PCDHGA2: variants seen among roughly 807,000 people sequenced by gnomAD.
The protein encoded by PCDHGA2 is protocadherin gamma subfamily A, 2.
A neutral mutation model predicts 59.2 loss-of-function variants in PCDHGA2; 40 were observed. That is an observed-to-expected ratio of 0.68 (90% CI 0.52 to 0.88). PCDHGA2 has a LOEUF of 0.88. PCDHGA2 is among the 40% of genes least tolerant of loss of function. PCDHGA2 has a pLI of 0.00. For synonymous variants in PCDHGA2, 560 were observed against 526.0 expected (o/e 1.06, Z -0.89); for missense variants, 1,226 against 1,204.0 (o/e 1.02, Z -0.27).
intron 1 of PCDHGA2, among the ~76,000 whole-genome samples, chr5:141,467,211 C>G (rs1288732759): frequency 6.6e-6 from 1 of 152,068 alleles, no homozygotes; most frequent in Non-Finnish European, 1.5e-5. Context: ...TGCCACCATG[C>G]CTGGCTAATT....
intron 1 of PCDHGA2, 134 bp from the exon 2 acceptor site, chr5:141,494,673 C>A: frequency 6.5e-7 from 1 of 1,542,992 alleles, no homozygotes; most frequent in South Asian, 1.2e-5. Flanking sequence ...GATGAGTCCA[C>A]CCCTGCCCCC....
At position 141,477,744 on chromosome 5, in the gene PCDHGA2, G is replaced by A; in HGVS notation, c.2425-17063G>A. On this transcript the variant is annotated intron_variant, in intron 1 of 3. Coordinates refer to ENST00000394576, the MANE Select transcript of PCDHGA2 (RefSeq NM_018915.4). The surrounding 1 kb of genome is among the most constrained non-coding windows in gnomAD (Gnocchi z 4.9). Reference sequence around the variant, plus strand: ...TTAACAGCTCATATCAGCGATGGGGGCACCCCGGTCCTAGCCACCAACATC... The same window carrying A: ...TTAACAGCTCATATCAGCGATGGGGACACCCCGGTCCTAGCCACCAACATC... 6.2e-7 allele frequency: 1 copy of A among 1,613,778 alleles called. No homozygotes were observed. The highest frequency in any genetic ancestry group is 8.5e-7 in the Non-Finnish European group (1 of 1,180,028).
chr5:141,419,285 G>A, intron 1 of PCDHGA2: 2 of 1,614,028 alleles, frequency 1.2e-6, no homozygotes, highest in East Asian at 4.5e-5. Context: ...GCAAGTCAGT[G>A]CCTCTGACCC....
chr5:141,352,802 C>T (rs993327157), intron 1 of PCDHGA2: 8 of 903,664 alleles, frequency 8.9e-6, no homozygotes, highest in Middle Eastern at 2.9e-4. Flanking sequence ...CCAGCATAGC[C>T]AAGATGGTAA....
Position 141,476,949 on chromosome 5 carries a change from A to G in PCDHGA2, c.2425-17858A>G. The stretch of plus-strand genomic sequence containing the variant: ...GATCTGGATGAAGGCCCCAACGGTG[A>G]AATTATTTACTCCTTCGGCAGCCAC... On this transcript the variant is annotated intron_variant, in intron 1 of 3. Transcript: ENST00000394576. The surrounding 1 kb of genome is among the most constrained non-coding windows in gnomAD (Gnocchi z 7.6). 6.2e-7 allele frequency: 1 copy of G among 1,614,200 alleles called. No individual in the cohort carries two copies. Among genetic ancestry groups the G allele is most frequent in the Admixed American group, 1.7e-5 (1 of 60,038 alleles).
chr5:141,420,336 T>C, intron 1 of PCDHGA2: 1 of 1,399,186 alleles, frequency 7.1e-7, no homozygotes, highest in East Asian at 2.5e-5. Flanking sequence ...TATTCCAATA[T>C]AGTGGTATTA....
At chr5:141,430,915 G>A (rs565034370) in intron 1 of PCDHGA2, 2 of 1,607,738 alleles carry the variant, frequency 1.2e-6, no homozygotes, top group East Asian at 4.5e-5. Context: ...CCAGGGACCT[G>A]GGGCTGGAGC....
At chr5:141,395,398 T>A (rs976008795) in intron 1 of PCDHGA2, 8 of 863,662 alleles carry the variant, frequency 9.3e-6, no homozygotes, top group South Asian at 2.0e-5. Context: ...TGAACTCTAA[T>A]AGTCATAGGT....
chr5:141,409,018 G>A (rs369210340), intron 1 of PCDHGA2: 31 of 1,613,814 alleles, frequency 1.9e-5, no homozygotes, highest in Non-Finnish European at 2.5e-5. Context: ...AGGATGAGGG[G>A]GTCAATGCTG....
At chr5:141,422,379 C>G (rs2096644662) in intron 1 of PCDHGA2, 1 of 1,576,826 alleles carries the variant, frequency 6.3e-7, no homozygotes, top group East Asian at 2.2e-5. Flanking sequence ...GTCAAGTCTC[C>G]TGTTTTATTC....
At chr5:141,400,431 A>T (rs542969819) in intron 1 of PCDHGA2, 1 of 1,614,034 alleles carries the variant, frequency 6.2e-7, no homozygotes. Context: ...GTAGTGAGCA[A>T]TTGAGTTCAG....
chr5:141,405,414 T>G, intron 1 of PCDHGA2: 3 of 1,562,312 alleles, frequency 1.9e-6, no homozygotes, highest in Non-Finnish European at 2.6e-6. Flanking sequence ...TTTCTTTTTT[T>G]GTTTTTTGTT....
Position 141,432,581 on chromosome 5 carries a change from C to T in PCDHGA2, c.2425-62226C>T. 6.2e-7 allele frequency: 1 copy of T among 1,613,930 alleles called. No homozygotes were observed. The highest frequency in any genetic ancestry group is 8.5e-7 in the Non-Finnish European group (1 of 1,179,974). On this transcript the variant is annotated intron_variant, in intron 1 of 3. Coordinates refer to ENST00000394576, the MANE Select transcript of PCDHGA2 (RefSeq NM_018915.4). The surrounding 1 kb of genome is among the most constrained non-coding windows in gnomAD (Gnocchi z 6.0). ...CCAGAACGCCTGGCTGTCCTACCGT[C>T]TGCTCAAGGCCAGCGAGCCGGGACT...
In PCDHGA2 at chr5:141,401,291, G is replaced by A. The variant is rs565015907; in HGVS notation, c.2424+59896G>A. On this transcript the variant is annotated intron_variant, in intron 1 of 3. Transcript: ENST00000394576. ...TGGCAGGTGGAGGTTGCGGTGAGCC[G>A]AGATCACTCCATTGCATTCCAGCCT... is the stretch of plus-strand genomic sequence containing the variant. Among the ~76,000 whole-genome samples the A allele has an allele frequency of 8.5e-5, 13 of 152,194 alleles. No individual in the cohort carries two copies. The South Asian group carries it at 2.5e-3, about 29-fold the overall frequency.
intron 1 of PCDHGA2, chr5:141,392,130 A>T (rs770884253): frequency 6.6e-6 from 1 of 152,238 alleles, no homozygotes; most frequent in African/African-American, 2.4e-5. Context: ...TTGTAAAATG[A>T]TTAAGTAGTT....
In PCDHGA2 at chr5:141,370,973, G is replaced by T. The variant is rs763236238; in HGVS notation, c.2424+29578G>T. ...ACCTGGATGGCAGTAGGTACCCAGA[G>T]CTAGTACTGAAAGCACCCCTGGACA... is the stretch of plus-strand genomic sequence containing the variant. On this transcript the variant is annotated intron_variant, in intron 1 of 3. Coordinates refer to ENST00000394576, the MANE Select transcript of PCDHGA2 (RefSeq NM_018915.4). 9.3e-6 allele frequency: 15 copies of T among 1,614,010 alleles called. No individual in the cohort carries two copies. Among genetic ancestry groups the T allele is most frequent in the Admixed American group, 1.7e-5 (1 of 60,024 alleles).
Position 141,398,900 on chromosome 5 carries a change from G to A in PCDHGA2, c.2424+57505G>A, listed in dbSNP as rs765284630. Reference sequence around the variant, plus strand: ...AGCCTTCGGGAAAACGTGCCACCAGGCACCACTGTGTTGCAAGTGTCAGCC... The same window carrying A: ...AGCCTTCGGGAAAACGTGCCACCAGACACCACTGTGTTGCAAGTGTCAGCC... On this transcript the variant is annotated intron_variant, in intron 1 of 3. Coordinates refer to ENST00000394576, the MANE Select transcript of PCDHGA2 (RefSeq NM_018915.4). The A allele has an allele frequency of 3.1e-6, 5 of 1,613,846 alleles. No individual in the cohort carries two copies. In the East Asian group the frequency reaches 6.7e-5, roughly 22 times the overall value.
At chr5:141,357,292 G>A (rs1940916044) in intron 1 of PCDHGA2, 1 of 1,613,972 alleles carries the variant, frequency 6.2e-7, no homozygotes. Flanking sequence ...GGTGGCAGTG[G>A]CCGCTGTCTC....
intron 1 of PCDHGA2, among the ~76,000 whole-genome samples, chr5:141,420,686 C>T (rs781004859): frequency 1.3e-4 from 20 of 152,258 alleles, no homozygotes; most frequent in Admixed American, 4.6e-4. Context: ...TTATCGGGAC[C>T]GTATTATTTC....
Sources: gnomAD v4.1 joint callset for allele counts (sites outside exome capture counted in the v4.1 genomes callset) on GRCh38, gnomAD v4.1.1 for gene constraint, Gnocchi (gnomAD v3.1) non-coding constraint, MANE v1.5 for transcripts, NCBI Gene and HGNC (gene_info 2026-07-23, HGNC 2026-07-21) for gene names.